The following THEM6 variants were observed in gnomAD, a reference collection of about 807,000 sequenced individuals.
THEM6 encodes thioesterase superfamily member 6, also known as protein THEM6.
In THEM6, 10 loss-of-function variants were observed where a neutral mutation model predicts 13.7. The observed-to-expected ratio is 0.73, with a 90% CI of 0.45 to 1.24. THEM6 has a LOEUF of 1.24. Ranked by LOEUF, THEM6 falls within the 50% of genes most tolerant of loss-of-function variation. The pLI, the probability that THEM6 is intolerant of heterozygous loss-of-function variation, is 0.00. For missense variants in THEM6, 317 were observed against 312.6 expected (o/e 1.01, Z -0.11); for synonymous variants, 161 against 156.0 (o/e 1.03, Z -0.24).
In THEM6 at chr8:142,727,853, G is replaced by A. The variant is rs1815544569; in HGVS notation, c.507G>A (p.Gln169=). 4 of 1,412,090 alleles carry A rather than the reference G, an allele frequency of 2.8e-6. No homozygotes were observed. Among genetic ancestry groups the A allele is most frequent in the Non-Finnish European group, 3.7e-6 (4 of 1,092,246 alleles). The allele number at this position is 1,412,090 out of a possible 1,614,324, so 87.5% of individuals were successfully genotyped here. ...SPERVVQHLC[Q]RRVEPPELPA... is the part of the protein sequence containing the mutation. ...AGCGCGTCGTGCAGCACCTGTGCCA[G>A]CGCAGGGTGAGCGGCCCCCGCCCCT... Residue 169 remains glutamine (Q), a synonymous_variant, in exon 1 of 2, where the codon CAG becomes CAA. Coordinates refer to ENST00000336138, the MANE Select transcript of THEM6 (RefSeq NM_016647.3).
At chr8:142,732,161 A>AATATATATATATATATATATAT (rs59428096) in intron 1 of THEM6, among the ~76,000 whole-genome samples, 9 of 37,232 alleles carry the variant, frequency 2.4e-4, no homozygotes, top group Non-Finnish European at 3.1e-4. Flanking sequence ...GGGAGTTTTG[A>AATATATATATATATATATATAT]ATATATATAT....
At chr8:142,729,008 C>T (rs1304678601) in intron 1 of THEM6, among the ~76,000 whole-genome samples, 1 of 138,400 alleles carries the variant, frequency 7.2e-6, no homozygotes, top group Non-Finnish European at 1.5e-5. Context: ...GGCGTGATCT[C>T]GGCTCACTGC....
rs1397267569 is a variant in THEM6, at chr8:142,727,711, G to A, written c.365G>A (p.Arg122His). The A allele has an allele frequency of 2.4e-5, 34 of 1,432,998 alleles. No individual in the cohort carries two copies. Among genetic ancestry groups the A allele is most frequent in the Admixed American group, 8.8e-5 (3 of 34,096 alleles). The allele number at this position is 1,432,998 out of a possible 1,614,324, so 88.8% of individuals were successfully genotyped here. ...CTGGAGCCCTTCGAGGTGCGCACCC[G>A]CCTGCTGGGCTGGGACGACCGCGCG... ...RLLEPFEVRT[R>H]LLGWDDRAFY... The change falls in exon 1 of 2, where the codon CGC (arginine) becomes CAC (histidine). Residue 122 changes from arginine (R) to histidine (H), a missense_variant. Arg to His is a conservative substitution (Grantham distance 29). Transcript: ENST00000336138.
In THEM6 at chr8:142,727,685, G is replaced by T. The variant is rs1554642507; in HGVS notation, c.339G>T (p.Leu113=). 1 of 1,432,442 alleles carries T rather than the reference G, an allele frequency of 7.0e-7. No homozygotes were observed. 88.7% of individuals were successfully genotyped at this position (1,432,442 alleles called of 1,614,324 possible). A position where few individuals can be genotyped will look rare whatever the true frequency, so the allele number is the denominator to read the frequency against. ...SCARHRRSLR[L]LEPFEVRTRL... Reference sequence around the variant, plus strand: ...CGCGCCACCGCCGCTCGCTGCGCCTGCTGGAGCCCTTCGAGGTGCGCACCC... The same window carrying T: ...CGCGCCACCGCCGCTCGCTGCGCCTTCTGGAGCCCTTCGAGGTGCGCACCC... Residue 113 remains leucine, a synonymous_variant, in exon 1 of 2, where the codon CTG becomes CTT. Coordinates refer to ENST00000336138, the MANE Select transcript of THEM6 (RefSeq NM_016647.3).
rs17851711 is a variant in THEM6 at position 142,727,623 on chromosome 8, G to T, written c.277G>T (p.Glu93Ter). ...TRCGVLGALR[E>*]LRAHTVLAAS... ...CTGCGGGGTGCTCGGGGCGCTGAGG[G>T]AGTTGCGGGCGCACACGGTGCTGGC... Residue 93 changes from glutamate (E) to a stop codon, truncating the protein, a stop_gained, in exon 1 of 2, where the codon GAG (glutamate) becomes TAG (stop). Coordinates refer to ENST00000336138, the MANE Select transcript of THEM6 (RefSeq NM_016647.3). LOFTEE classifies it high-confidence loss of function. 1.2e-5 allele frequency: 18 copies of T among 1,495,338 alleles called. No homozygotes were observed. Among genetic ancestry groups the T allele is most frequent in the Non-Finnish European group, 1.5e-5 (17 of 1,130,592 alleles). 92.6% of individuals were successfully genotyped at this position (1,495,338 alleles called of 1,614,324 possible). A position where few individuals can be genotyped will look rare whatever the true frequency, so the allele number is the denominator to read the frequency against.
chr8:142,735,546 C>A lies in THEM6; in HGVS notation c.*107C>A. ...GTTCCAGCTGGAGTAGCCTCCTGAC[C>A]AGCCTGGCCCACCCTGCTCCACCCA... On this transcript the variant is annotated 3_prime_UTR_variant, in exon 2 of 2. Coordinates refer to ENST00000336138, the MANE Select transcript of THEM6 (RefSeq NM_016647.3). The A allele has an allele frequency of 1.2e-6, 1 of 839,564 alleles. No individual in the cohort carries two copies. Among genetic ancestry groups the A allele is most frequent in the Non-Finnish European group, 1.9e-6 (1 of 519,260 alleles). The allele number at this position is 839,564 out of a possible 1,614,324, so 52.0% of individuals were successfully genotyped here.
At chr8:142,729,112 G>A (rs1815589930) in intron 1 of THEM6, among the ~76,000 whole-genome samples, 1 of 151,452 alleles carries the variant, frequency 6.6e-6, no homozygotes, top group Non-Finnish European at 1.5e-5. Flanking sequence ...CTAATTTTTT[G>A]TATTTTTAGT....
rs189222455 is a variant in THEM6, at chr8:142,727,884, C to T, written c.513+25C>T. 995 of 1,385,576 alleles carry T rather than the reference C, an allele frequency of 7.2e-4. 7 individuals are homozygous for T. The African/African-American group carries it at 0.014, about 19-fold the overall frequency. The allele number at this position is 1,385,576 out of a possible 1,614,324, so 85.8% of individuals were successfully genotyped here. A position where few individuals can be genotyped will look rare whatever the true frequency, so the allele number is the denominator to read the frequency against. On this transcript the variant is annotated intron_variant, in intron 1 of 1. Transcript: ENST00000336138. ...GGTGAGCGGCCCCCGCCCCTGGCCC[C>T]GGAGCACGGCCTTTGTGGGACCTCC...
chr8:142,730,947 G>C (rs868957930), intron 1 of THEM6, among the ~76,000 whole-genome samples: 1 of 152,026 alleles, frequency 6.6e-6, no homozygotes, highest in Non-Finnish European at 1.5e-5. Flanking sequence ...GGGTTTCACC[G>C]TGTTAGCCAG....
At chr8:142,735,113 C>A (rs191086764) in intron 1 of THEM6, 14 of 567,866 alleles carry the variant, frequency 2.5e-5, no homozygotes, top group African/African-American at 2.4e-4. Context: ...GGGATGGCCC[C>A]TAGGGGAGAC....
chr8:142,729,062 C>T lies in THEM6; in HGVS notation c.513+1203C>T, dbSNP rs587607048. Among the ~76,000 whole-genome samples, 529 of 151,524 alleles carry T rather than the reference C, an allele frequency of 3.5e-3. 10 individuals are homozygous for T. Among genetic ancestry groups the T allele is most frequent in the African/African-American group, 0.012 (485 of 41,278 alleles). The stretch of plus-strand genomic sequence containing the variant: ...TCACGCCATTCTCCTGCTTCAGCCT[C>T]CCCACTAGCTGGGACTACGGCGCCA... On this transcript the variant is annotated intron_variant, in intron 1 of 1. Transcript: ENST00000336138.
At chr8:142,728,013 C>T (rs989145516) in intron 1 of THEM6, among the ~76,000 whole-genome samples, 154 bp downstream of exon 1, 3 of 152,180 alleles carry the variant, frequency 2.0e-5, no homozygotes, top group Non-Finnish European at 2.9e-5. Flanking sequence ...CCCGCCCCTC[C>T]CTCTCTACCG....
Position 142,735,333 on chromosome 8 carries a change from C to A in THEM6, c.521C>A (p.Pro174His). Residue 174 changes from proline (P) to histidine (H), a missense_variant, in exon 2 of 2, where the codon CCC becomes CAC. By Grantham distance (77) the Pro-to-His change is moderately conservative. Transcript: ENST00000336138. The part of the protein sequence containing the change: ...VQHLCQRRVE[P>H]PELPADLQHW... ...CCTTTCTGTCCTCTGCAGGTGGAGCCCCCTGAGCTGCCCGCTGATCTGCAG... is the reference window on the plus strand; with the variant it reads ...CCTTTCTGTCCTCTGCAGGTGGAGCACCCTGAGCTGCCCGCTGATCTGCAG... 2 of 1,557,228 alleles carry A rather than the reference C, an allele frequency of 1.3e-6. No individual in the cohort carries two copies. The highest frequency in any genetic ancestry group is 3.9e-5 in the Admixed American group (2 of 51,944).
In THEM6 at chr8:142,732,184, ATATATATATATATATATATATATT is replaced by A. The variant is rs1489178687; in HGVS notation, c.514-3140_514-3117del. ...TGAATATATATATATATATATATATATATATATATATATATATATATATTTTAACTACTGGAGGTTTGTGTGAGG... is the reference window on the plus strand; with the variant it reads ...TGAATATATATATATATATATATATATTAACTACTGGAGGTTTGTGTGAGG... On this transcript the variant is annotated intron_variant, in intron 1 of 1. Transcript: ENST00000336138. Among the ~76,000 whole-genome samples, 319 of 94,884 alleles carry A rather than the reference ATATATATATATATATATATATATT, an allele frequency of 3.4e-3. 7 individuals are homozygous for A. In the Middle Eastern group the frequency reaches 0.034, roughly 10 times the overall value. 62.2% of individuals were successfully genotyped at this position (94,884 alleles called of 152,430 possible). A position where few individuals can be genotyped will look rare whatever the true frequency, so the allele number is the denominator to read the frequency against.
At chr8:142,731,423 A>T (rs587737291) in intron 1 of THEM6, among the ~76,000 whole-genome samples, 1 of 152,240 alleles carries the variant, frequency 6.6e-6, no homozygotes, top group Admixed American at 6.5e-5. Context: ...TTTTTTTTAA[A>T]TAATTTTACA....
In THEM6 at chr8:142,727,721, C is replaced by T. The variant is rs587705503; in HGVS notation, c.375C>T (p.Gly125=). The change falls in exon 1 of 2, where the codon GGC becomes GGT. Residue 125 remains glycine, a synonymous_variant. Coordinates refer to ENST00000336138, the MANE Select transcript of THEM6 (RefSeq NM_016647.3). ...EPFEVRTRLL[G]WDDRAFYLEA... is the part of the protein sequence containing the mutation. ...TCGAGGTGCGCACCCGCCTGCTGGGCTGGGACGACCGCGCGTTCTACCTGG... is the reference window on the plus strand; with the variant it reads ...TCGAGGTGCGCACCCGCCTGCTGGGTTGGGACGACCGCGCGTTCTACCTGG... The T allele has an allele frequency of 4.1e-5, 59 of 1,438,540 alleles. No individual in the cohort carries two copies. In the South Asian group the frequency reaches 8.0e-4, roughly 20 times the overall value. 89.1% of individuals were successfully genotyped at this position (1,438,540 alleles called of 1,614,324 possible). A position where few individuals can be genotyped will look rare whatever the true frequency, so the allele number is the denominator to read the frequency against.
Position 142,727,540 on chromosome 8 carries a change from T to A in THEM6, c.194T>A (p.Met65Lys). ...LPSDLDLLLHMNNARYLREAD... is the reference protein window; with the variant it reads ...LPSDLDLLLHKNNARYLREAD... ...TCGGACTTGGACCTGCTGCTGCACA[T>A]GAACAACGCGCGCTACCTGCGCGAG... Residue 65 changes from methionine to lysine, a missense_variant, in exon 1 of 2, where the codon ATG (methionine) becomes AAG (lysine). Transcript: ENST00000336138. The A allele has an allele frequency of 6.4e-7, 1 of 1,567,950 alleles. No individual in the cohort carries two copies. The highest frequency in any genetic ancestry group is 8.6e-7 in the Non-Finnish European group (1 of 1,165,802).
At chr8:142,735,202 C>A (rs989970994) in intron 1 of THEM6, 124 bp from the exon 2 acceptor site, 4 of 716,162 alleles carry the variant, frequency 5.6e-6, no homozygotes, top group South Asian at 3.4e-5. Flanking sequence ...GAGGCATGGG[C>A]AAAGCATGGC....
intron 1 of THEM6, 82 bp downstream of exon 1, chr8:142,727,941 C>T: frequency 1.5e-6 from 2 of 1,336,088 alleles, no homozygotes; most frequent in Non-Finnish European, 1.9e-6. Context: ...GCCCCCTCCC[C>T]TAGGGAAGGC....
Sources: allele counts gnomAD v4.1 joint callset (sites outside exome capture counted in the v4.1 genomes callset), GRCh38; gene constraint gnomAD v4.1.1; transcripts MANE v1.5; gene names NCBI Gene and HGNC (gene_info 2026-07-23, HGNC 2026-07-21).